The following PCDH11X variants were observed in gnomAD, a reference collection of about 807,000 sequenced individuals.
PCDH11X encodes the protein protocadherin-11 X-linked.
A neutral mutation model predicts 53.3 loss-of-function variants in PCDH11X; 18 were observed. That is an observed-to-expected ratio of 0.34 (90% CI 0.23 to 0.50). PCDH11X has a LOEUF of 0.50. PCDH11X is among the 20% of genes least tolerant of loss of function. The pLI is 0.98. For synonymous variants in PCDH11X, 279 were observed against 393.3 expected, an observed-to-expected ratio of 0.71 and a Z score of 3.44; for missense variants, 570 against 1,032.4, an observed-to-expected ratio of 0.55 and a Z score of 6.14.
chrX:91,981,032 AT>A (rs2147926765), intron 6 of PCDH11X, among the ~76,000 whole-genome samples: 1 of 103,015 alleles, frequency 9.7e-6, no homozygotes, highest in South Asian at 4.2e-4. Context: ...ATATATATAT[AT>A]ATACACTGAA....
At chrX:92,276,096 G>T (rs188755839) in intron 8 of PCDH11X, among the ~76,000 whole-genome samples, 10 of 109,854 alleles carry the variant, frequency 9.1e-5, no homozygotes, top group Non-Finnish European at 1.5e-4. Context: ...AAAGAGTATT[G>T]TCTCAGTTGG....
intron 7 of PCDH11X, among the ~76,000 whole-genome samples, chrX:92,242,153 G>A (rs1280325165): frequency 9.2e-6 from 1 of 108,799 alleles, no homozygotes; most frequent in Non-Finnish European, 1.9e-5. Context: ...TCCTGTTGCC[G>A]TTTTATAACC....
chrX:91,887,005 A>AAT lies in PCDH11X; in HGVS notation c.3033+7742_3033+7743dup, dbSNP rs1486434032. ...AAAAAAAGAAAAGAAAAGAAAAGAA[A>AAT]ATATATATATACTTTAGAATAATTT... On this transcript the variant is annotated intron_variant, in intron 6 of 10. Transcript: ENST00000682573. Among the ~76,000 whole-genome samples the AAT allele has an allele frequency of 3.5e-3, 373 of 105,143 alleles. 3 individuals are homozygous for AAT. The highest frequency in any genetic ancestry group is 0.013 in the African/African-American group (356 of 28,369). 91.3% of individuals were successfully genotyped at this position (105,143 alleles called of 115,157 possible). A position where few individuals can be genotyped will look rare whatever the true frequency, so the allele number is the denominator to read the frequency against.
At chrX:92,304,715 G>A (rs2068790489) in intron 8 of PCDH11X, among the ~76,000 whole-genome samples, 1 of 111,656 alleles carries the variant, frequency 9.0e-6, no homozygotes, top group South Asian at 3.7e-4. Context: ...TCTAAAACTA[G>A]GTTGCCATCC....
At chrX:92,223,225 C>G (rs1401536263) in intron 7 of PCDH11X, among the ~76,000 whole-genome samples, 1 of 111,884 alleles carries the variant, frequency 8.9e-6, no homozygotes, top group Non-Finnish European at 1.9e-5. Context: ...ATTCATTCCT[C>G]CCTACTTATT....
chrX:92,294,205 G>A (rs2068560137), intron 8 of PCDH11X, among the ~76,000 whole-genome samples: 1 of 110,449 alleles, frequency 9.1e-6, no homozygotes, highest in Admixed American at 9.7e-5. Context: ...GCAATAGCAT[G>A]ATCTTGGCTC....
At chrX:92,258,153 T>C (rs2067635986) in intron 7 of PCDH11X, among the ~76,000 whole-genome samples, 1 of 110,948 alleles carries the variant, frequency 9.0e-6, no homozygotes, top group South Asian at 3.9e-4. Flanking sequence ...TTTAGCTATG[T>C]CTGGAACAGG....
intron 6 of PCDH11X, among the ~76,000 whole-genome samples, chrX:91,944,783 C>T (rs1227558026): frequency 9.2e-6 from 1 of 108,261 alleles, no homozygotes; most frequent in Non-Finnish European, 1.9e-5. Flanking sequence ...ATCGTATTTT[C>T]ATTAGTTGAC....
At chrX:92,570,829 T>A (rs113153029) in intron 10 of PCDH11X, among the ~76,000 whole-genome samples, 1 of 106,041 alleles carries the variant, frequency 9.4e-6, no homozygotes, top group Non-Finnish European at 1.9e-5. Context: ...TTCTGCTAAC[T>A]TGAGCTTGAA....
At chrX:92,066,758 C>T (rs1444186556) in intron 6 of PCDH11X, among the ~76,000 whole-genome samples, 1 of 112,350 alleles carries the variant, frequency 8.9e-6, no homozygotes, top group African/African-American at 3.2e-5. Context: ...GTTTTTCCAA[C>T]AGTAAGATCG....
intron 6 of PCDH11X, among the ~76,000 whole-genome samples, chrX:92,158,041 C>G (rs1190750389): frequency 9.1e-6 from 1 of 110,220 alleles, no homozygotes; most frequent in Non-Finnish European, 1.9e-5. Context: ...ATGGTGAAAC[C>G]CTGTCTCTAC....
At chrX:92,214,153 C>T (rs925485173) in intron 7 of PCDH11X, among the ~76,000 whole-genome samples, 20 of 111,812 alleles carry the variant, frequency 1.8e-4, no homozygotes, top group Non-Finnish European at 2.8e-4. Flanking sequence ...CACTTGAGAG[C>T]GGAATAAATA....
In PCDH11X at chrX:91,904,412, G is replaced by A. The variant is rs1047543258; in HGVS notation, c.3033+25139G>A. Among the ~76,000 whole-genome samples, 4 of 109,570 alleles carry A rather than the reference G, an allele frequency of 3.7e-5. No individual in the cohort carries two copies. In the Admixed American group the frequency reaches 3.9e-4, roughly 11 times the overall value. Reference sequence around the variant, plus strand: ...CCAACTATGATTGACTGATTAATAAGCCAAGAGTTTCTTCAGCTATAATTC... The same window carrying A: ...CCAACTATGATTGACTGATTAATAAACCAAGAGTTTCTTCAGCTATAATTC... On this transcript the variant is annotated intron_variant, in intron 6 of 10. Coordinates refer to ENST00000682573, the MANE Select transcript of PCDH11X (RefSeq NM_032968.5).
At chrX:91,823,516 C>G (rs1244896184) in intron 4 of PCDH11X, among the ~76,000 whole-genome samples, 1 of 110,130 alleles carries the variant, frequency 9.1e-6, no homozygotes, top group Admixed American at 9.7e-5. Flanking sequence ...TTTTTGTTTT[C>G]CATTTGCTTG....
At chrX:92,360,152 A>G (rs923488147) in intron 8 of PCDH11X, among the ~76,000 whole-genome samples, 2 of 111,293 alleles carry the variant, frequency 1.8e-5, no homozygotes, top group African/African-American at 6.5e-5. Context: ...TCCTTATTTT[A>G]GAAGTACTTG....
chrX:91,819,082 CT>C (rs1402026874), intron 4 of PCDH11X, among the ~76,000 whole-genome samples: 2 of 111,409 alleles, frequency 1.8e-5, no homozygotes, highest in Non-Finnish European at 3.8e-5. Flanking sequence ...GGTTAATGCA[CT>C]TCTTGATTTA....
At chrX:92,299,840 C>T (rs1339789220) in intron 8 of PCDH11X, among the ~76,000 whole-genome samples, 2 of 108,975 alleles carry the variant, frequency 1.8e-5, no homozygotes, top group African/African-American at 6.7e-5. Flanking sequence ...TATTTCTTTT[C>T]TGATAGCTTT....
chrX:92,293,609 C>T (rs189178577), intron 8 of PCDH11X, among the ~76,000 whole-genome samples: 8 of 93,179 alleles, frequency 8.6e-5, no homozygotes, highest in African/African-American at 3.7e-4. Flanking sequence ...GGCGACAGAG[C>T]GAGACTCCGT....
chrX:92,335,022 C>G (rs986122701), intron 8 of PCDH11X, among the ~76,000 whole-genome samples: 1 of 109,599 alleles, frequency 9.1e-6, no homozygotes, highest in Admixed American at 9.8e-5. Context: ...CAAGGGTCAA[C>G]TGTATATTGC....
Sources: allele counts gnomAD v4.1 joint callset (sites outside exome capture counted in the v4.1 genomes callset), GRCh38; gene constraint gnomAD v4.1.1; transcripts MANE v1.5; gene names NCBI Gene and HGNC (gene_info 2026-07-23, HGNC 2026-07-21).